The following DAB1 variants were observed in gnomAD, a reference collection of about 807,000 sequenced individuals.
DAB1 encodes the protein disabled homolog 1.
A neutral mutation model predicts 64.6 loss-of-function variants in DAB1; 15 were observed. The ratio of observed to expected loss-of-function variants is 0.23; its 90% confidence interval spans 0.16 to 0.36. The LOEUF is 0.36. Ranked by LOEUF, DAB1 falls within the 10% of genes least tolerant of loss-of-function variation. The probability of loss-of-function intolerance (pLI) is 1.00; values close to 1 mark genes in which losing one functional copy is unlikely to be tolerated. For synonymous variants in DAB1, 235 were observed against 251.9 expected, an observed-to-expected ratio of 0.93 and a Z score of 0.64; for missense variants, 596 against 706.7, an observed-to-expected ratio of 0.84 and a Z score of 1.78.
chr1:58,376,529 C>T lies in DAB1; in HGVS notation n.258-33126G>A, dbSNP rs1202530270. On this transcript the variant is annotated intron_variant and non_coding_transcript_variant, in intron 3 of 20. Coordinates refer to the DAB1 transcript ENST00000485760. ...AATCCTGAGTTCTAGTTTGATTGCA[C>T]TGTGGTCTGAGAGATAGTTTGTTAT... Among the ~76,000 whole-genome samples the T allele has an allele frequency of 4.1e-5, 6 of 145,312 alleles. 2 individuals are homozygous for T. Among genetic ancestry groups the T allele is most frequent in the African/African-American group, 1.5e-4 (6 of 38,888 alleles).
rs534025457 is a variant in DAB1, at chr1:58,089,818, A to G, written n.387+60693T>C. On this transcript the variant is annotated intron_variant and non_coding_transcript_variant, in intron 5 of 20. Transcript: ENST00000485760. ...GTTAGGCCTTTCTGATTACCTGGGC[A>G]CTGTTTTCGTGAAAACTGCCAGCAC... Among the ~76,000 whole-genome samples, 61 of 152,340 alleles carry G rather than the reference A, an allele frequency of 4.0e-4. No homozygotes were observed. The Middle Eastern group carries it at 0.014, about 34-fold the overall frequency.
chr1:57,340,453 T>C (rs1677478690), intron 1 of DAB1, among the ~76,000 whole-genome samples: 1 of 152,216 alleles, frequency 6.6e-6, no homozygotes, highest in Admixed American at 6.5e-5. Context: ...TCATGGCCTA[T>C]AAAGTCTGTC....
At chr1:58,212,102 A>G (rs928203935) in intron 4 of DAB1, among the ~76,000 whole-genome samples, 3 of 152,254 alleles carry the variant, frequency 2.0e-5, no homozygotes, top group Admixed American at 1.3e-4. Flanking sequence ...TGTTACCTCC[A>G]TTGGTGTTTA....
At chr1:57,251,617 GCCC>G (rs1189731178) in intron 2 of DAB1, among the ~76,000 whole-genome samples, 1 of 152,046 alleles carries the variant, frequency 6.6e-6, no homozygotes, top group African/African-American at 2.4e-5. Flanking sequence ...TATAACTGCT[GCCC>G]CCTTGATTTT....
intron 4 of DAB1, among the ~76,000 whole-genome samples, chr1:58,184,797 T>C (rs994596917): frequency 1.3e-5 from 2 of 152,202 alleles, no homozygotes; most frequent in Non-Finnish European, 1.5e-5. Context: ...TTATGTATAA[T>C]GGGTCTCAAA....
intron 4 of DAB1, among the ~76,000 whole-genome samples, chr1:58,284,358 G>C (rs1317684326): frequency 2.0e-5 from 3 of 152,190 alleles, no homozygotes; most frequent in Non-Finnish European, 1.5e-5. Context: ...CCAATACTCT[G>C]TATCACTTGG....
chr1:58,164,480 A>T (rs1006016288), intron 4 of DAB1, among the ~76,000 whole-genome samples: 1 of 152,220 alleles, frequency 6.6e-6, no homozygotes, highest in Non-Finnish European at 1.5e-5. Flanking sequence ...CAGAACAGGC[A>T]TTTAATGCAA....
chr1:57,255,089 A>G (rs996088816), intron 2 of DAB1, among the ~76,000 whole-genome samples: 1 of 152,222 alleles, frequency 6.6e-6, no homozygotes, highest in Non-Finnish European at 1.5e-5. Flanking sequence ...TCATGAATGG[A>G]TAAATGAAAT....
intron 6 of DAB1, among the ~76,000 whole-genome samples, chr1:57,715,745 C>G (rs12137039): frequency 0.01 from 1,582 of 151,840 alleles, 13 homozygotes; most frequent in Middle Eastern, 0.041. Context: ...AAAAGAATCC[C>G]TACAATTAAA....
intron 1 of DAB1, among the ~76,000 whole-genome samples, chr1:57,334,113 A>G (rs6693181): frequency 0.11 from 16,607 of 152,244 alleles, 985 homozygotes; most frequent in Middle Eastern, 0.13. Context: ...CTCAATGCGT[A>G]TAAGTGGGGA....
intron 6 of DAB1, among the ~76,000 whole-genome samples, chr1:57,801,475 A>G (rs1001348982): frequency 3.3e-5 from 5 of 152,190 alleles, no homozygotes; most frequent in African/African-American, 1.2e-4. Flanking sequence ...ATGAAAAAAT[A>G]TAGAAGACTT....
At chr1:58,447,659 T>C (rs144503769) in intron 3 of DAB1, among the ~76,000 whole-genome samples, 2 of 152,236 alleles carry the variant, frequency 1.3e-5, no homozygotes, top group East Asian at 1.9e-4. Context: ...ACAGTGCTAA[T>C]GGCAAATGTA....
chr1:57,816,836 A>G (rs982826284), intron 6 of DAB1, among the ~76,000 whole-genome samples: 6 of 152,192 alleles, frequency 3.9e-5, no homozygotes, highest in Non-Finnish European at 5.9e-5. Context: ...ATTCATTTCA[A>G]CCTAGGATTA....
At chr1:57,036,909 C>T (rs1647176159) in intron 9 of DAB1, among the ~76,000 whole-genome samples, 1 of 152,142 alleles carries the variant, frequency 6.6e-6, no homozygotes, top group African/African-American at 2.4e-5. Context: ...AGACCAGATT[C>T]ATGTTATTCT....
At chr1:57,309,369 A>G (rs1674477423) in intron 1 of DAB1, among the ~76,000 whole-genome samples, 1 of 152,170 alleles carries the variant, frequency 6.6e-6, no homozygotes. Flanking sequence ...ATTATTAGGC[A>G]ATTTCTGGCT....
At chr1:57,197,242 G>T (rs1381014175) in intron 2 of DAB1, among the ~76,000 whole-genome samples, 1 of 151,792 alleles carries the variant, frequency 6.6e-6, no homozygotes, top group Non-Finnish European at 1.5e-5. Flanking sequence ...TACTCAGGAG[G>T]TTGAGGCACA....
chr1:58,292,611 T>C (rs1156420624), intron 4 of DAB1, among the ~76,000 whole-genome samples: 1 of 152,106 alleles, frequency 6.6e-6, no homozygotes, highest in Non-Finnish European at 1.5e-5. Context: ...GTGCTGGTGC[T>C]ATGGAAATTC....
At chr1:58,168,986 TA>T (rs754940040) in intron 4 of DAB1, among the ~76,000 whole-genome samples, 11 of 152,162 alleles carry the variant, frequency 7.2e-5, no homozygotes, top group Non-Finnish European at 1.5e-4. Context: ...AATGCATTGG[TA>T]AGGGCCACTA....
chr1:57,652,599 T>C lies in DAB1; in HGVS notation n.552-2934A>G, dbSNP rs530669617. 2.0e-5 allele frequency among the ~76,000 whole-genome samples: 3 copies of C among 152,282 alleles called. No homozygotes were observed. In the South Asian group the frequency reaches 6.2e-4, roughly 32 times the overall value. ...GTCCTGTTTTCTACTTTATAATCCT[T>C]CTGATTTCTGTAAAATTGGAAGAAA... On this transcript the variant is annotated intron_variant and non_coding_transcript_variant, in intron 6 of 20. Transcript: ENST00000485760.
Sources: gnomAD v4.1 joint callset for allele counts (sites outside exome capture counted in the v4.1 genomes callset) on GRCh38, gnomAD v4.1.1 for gene constraint, MANE v1.5 for transcripts, NCBI Gene and HGNC (gene_info 2026-07-23, HGNC 2026-07-21) for gene names.